The following TMEM132D variants were observed in gnomAD, a reference collection of about 807,000 sequenced individuals.
TMEM132D encodes the protein mature OL transmembrane protein.
In TMEM132D, 21 loss-of-function variants were observed where a neutral mutation model predicts 62.3. The observed-to-expected ratio is 0.34, with a 90% CI of 0.24 to 0.49. The LOEUF (loss-of-function observed/expected upper bound fraction) is 0.49, where lower values mean the gene tolerates loss of function less well. TMEM132D is among the 20% of genes least tolerant of loss of function. TMEM132D has a pLI of 0.99. For synonymous variants in TMEM132D, 621 were observed against 575.6 expected, an observed-to-expected ratio of 1.08 and a Z score of -1.13; for missense variants, 1,346 against 1,402.8, an observed-to-expected ratio of 0.96 and a Z score of 0.65.
At chr12:129,360,050 C>T (rs983871037) in intron 3 of TMEM132D, among the ~76,000 whole-genome samples, 2 of 151,670 alleles carry the variant, frequency 1.3e-5, no homozygotes, top group Admixed American at 6.6e-5. Flanking sequence ...TCCTACAAAA[C>T]TGTCCATAGG....
chr12:129,812,931 G>A (rs977414045), intron 1 of TMEM132D, among the ~76,000 whole-genome samples: 8 of 151,716 alleles, frequency 5.3e-5, no homozygotes, highest in Admixed American at 2.0e-4. Flanking sequence ...TAAATTCAGT[G>A]CCTAGTAGAC....
rs2137225780 is a variant in TMEM132D, at chr12:129,700,016, G to A, written c.762C>T (p.His254=). 6.2e-7 allele frequency: 1 copy of A among 1,614,028 alleles called. No homozygotes were observed. Among genetic ancestry groups the A allele is most frequent in the Non-Finnish European group, 8.5e-7 (1 of 1,180,042 alleles). The change falls in exon 2 of 9, where the codon CAC becomes CAT. Residue 254 remains histidine (H), a synonymous_variant. Coordinates refer to ENST00000422113, the MANE Select transcript of TMEM132D (RefSeq NM_133448.3). ...ARRSNGIRTG[H]SDIDESGPPL... ...GGGGCCCGGACTCATCGATGTCACTGTGGCCTGTCCGGATCCCATTGCTTC... is the reference window on the plus strand; with the variant it reads ...GGGGCCCGGACTCATCGATGTCACTATGGCCTGTCCGGATCCCATTGCTTC...
intron 4 of TMEM132D, among the ~76,000 whole-genome samples, chr12:129,251,557 G>C (rs1269158880): frequency 1.3e-5 from 2 of 152,082 alleles, no homozygotes; most frequent in Admixed American, 1.3e-4. Context: ...AAACTTTAAA[G>C]CTCGTTCAAA....
intron 5 of TMEM132D, among the ~76,000 whole-genome samples, chr12:129,163,150 GATA>G (rs1051322190): frequency 2.0e-5 from 3 of 152,352 alleles, no homozygotes; most frequent in Admixed American, 6.5e-5. Context: ...TAGACAAACT[GATA>G]ATAAGGCAGG....
chr12:129,270,241 A>G (rs983361859), intron 4 of TMEM132D, among the ~76,000 whole-genome samples: 2 of 152,192 alleles, frequency 1.3e-5, no homozygotes, highest in Non-Finnish European at 2.9e-5. Context: ...TGTCAAGAGC[A>G]GGTTCCTCTA....
intron 2 of TMEM132D, among the ~76,000 whole-genome samples, chr12:129,664,421 ATTT>A (rs34308998): frequency 3.0e-4 from 34 of 114,242 alleles, no homozygotes; most frequent in African/African-American, 1.0e-3. Flanking sequence ...AATTACAAGA[ATTT>A]TTTTTTTTTT....
intron 1 of TMEM132D, among the ~76,000 whole-genome samples, chr12:129,845,201 C>A (rs1873324301): frequency 6.6e-6 from 1 of 152,032 alleles, no homozygotes; most frequent in South Asian, 2.1e-4. Context: ...ATACGCATAC[C>A]AAGTAAATCT....
intron 3 of TMEM132D, among the ~76,000 whole-genome samples, chr12:129,347,575 A>T (rs551379538): frequency 6.6e-6 from 1 of 152,336 alleles, no homozygotes; most frequent in Non-Finnish European, 1.5e-5. Context: ...TGGATTAAAG[A>T]CTTAAAAATA....
chr12:129,695,786 T>C lies in TMEM132D; in HGVS notation c.968+4024A>G, dbSNP rs534262842. On this transcript the variant is annotated intron_variant, in intron 2 of 8. Coordinates refer to ENST00000422113, the MANE Select transcript of TMEM132D (RefSeq NM_133448.3). ...TATGTGCGGATAACGAGAGGAACTA[T>C]TGAAGGAATTCACTGTGAGGGCGGG... Among the ~76,000 whole-genome samples, 31 of 152,346 alleles carry C rather than the reference T, an allele frequency of 2.0e-4. No homozygotes were observed. In the South Asian group the frequency reaches 5.0e-3, roughly 24 times the overall value.
At chr12:129,206,193 T>G (rs1231035571) in intron 5 of TMEM132D, among the ~76,000 whole-genome samples, 1 of 152,154 alleles carries the variant, frequency 6.6e-6, no homozygotes, top group East Asian at 1.9e-4. Context: ...AAAAAATATT[T>G]GCAAACTTAG....
At chr12:129,795,806 A>G (rs957928862) in intron 1 of TMEM132D, among the ~76,000 whole-genome samples, 2 of 152,218 alleles carry the variant, frequency 1.3e-5, no homozygotes. Flanking sequence ...ATTTGGTGTC[A>G]TTAATGTGTT....
intron 2 of TMEM132D, among the ~76,000 whole-genome samples, chr12:129,537,767 C>A (rs761255743): frequency 1.3e-5 from 2 of 152,158 alleles, no homozygotes; most frequent in South Asian, 4.1e-4. Flanking sequence ...TCCACACCCC[C>A]ACAGGGAAAA....
intron 4 of TMEM132D, among the ~76,000 whole-genome samples, chr12:129,309,547 G>A (rs1881922852): frequency 6.6e-6 from 1 of 152,108 alleles, no homozygotes; most frequent in African/African-American, 2.4e-5. Context: ...TATGTAGACA[G>A]TTATCCAGCC....
intron 6 of TMEM132D, 99 bp from the exon 7 acceptor site, chr12:129,082,131 A>G (rs546605105): frequency 1.5e-4 from 215 of 1,437,198 alleles, no homozygotes; most frequent in Admixed American, 6.4e-4. Flanking sequence ...TAGGTAGGCC[A>G]TGAGACTTCA....
intron 4 of TMEM132D, among the ~76,000 whole-genome samples, chr12:129,271,943 G>T (rs1443848064): frequency 4.0e-5 from 6 of 151,764 alleles, no homozygotes; most frequent in Admixed American, 3.9e-4. Flanking sequence ...GGATTGCTGG[G>T]TTAAACAGTA....
intron 2 of TMEM132D, among the ~76,000 whole-genome samples, chr12:129,564,735 C>G (rs1266697643): frequency 6.6e-6 from 1 of 152,168 alleles, no homozygotes; most frequent in African/African-American, 2.4e-5. Flanking sequence ...AAGGGTTCTG[C>G]AAAGTCAAAA....
intron 5 of TMEM132D, among the ~76,000 whole-genome samples, chr12:129,183,611 G>A (rs79719298): frequency 0.013 from 1,919 of 152,354 alleles, 16 homozygotes; most frequent in Middle Eastern, 0.027. Context: ...ACATGCATTT[G>A]TTGCGGCTAC....
intron 3 of TMEM132D, among the ~76,000 whole-genome samples, chr12:129,497,515 G>A (rs746886960): frequency 3.3e-5 from 5 of 151,988 alleles, no homozygotes; most frequent in Non-Finnish European, 7.4e-5. Flanking sequence ...ACAGCCATAT[G>A]GCTGTTTCTC....
At chr12:129,198,671 C>T (rs1878610208) in intron 5 of TMEM132D, among the ~76,000 whole-genome samples, 1 of 152,164 alleles carries the variant, frequency 6.6e-6, no homozygotes, top group East Asian at 1.9e-4. Flanking sequence ...TGGTACAAGG[C>T]TTCAGTTAGC....
Sources: gnomAD v4.1 joint callset for allele counts (sites outside exome capture counted in the v4.1 genomes callset) on GRCh38, gnomAD v4.1.1 for gene constraint, MANE v1.5 for transcripts, NCBI Gene and HGNC (gene_info 2026-07-23, HGNC 2026-07-21) for gene names.